The following ADAMTS6 variants were observed in gnomAD, a reference collection of about 807,000 sequenced individuals.
The protein encoded by ADAMTS6 is ADAM metallopeptidase with thrombospondin type 1 motif 6.
ADAMTS6 carries 23 observed loss-of-function variants against 144.3 expected under a neutral mutation model. The ratio of observed to expected loss-of-function variants is 0.16; its 90% CI spans 0.11 to 0.23. The LOEUF is 0.23. Among genes scored for constraint, ADAMTS6 ranks in the 10% least tolerant of loss-of-function variants. The probability of loss-of-function intolerance (pLI) is 1.00; values close to 1 mark genes in which losing one functional copy is unlikely to be tolerated. For missense variants in ADAMTS6, 999 were observed against 1,379.6 expected (o/e 0.72, Z 4.37); for synonymous variants, 444 against 457.5 (o/e 0.97, Z 0.38).
At chr5:65,368,658 G>A (rs185438625) in intron 7 of ADAMTS6, among the ~76,000 whole-genome samples, 1 of 152,324 alleles carries the variant, frequency 6.6e-6, no homozygotes, top group Admixed American at 6.5e-5. Flanking sequence ...GGCTAAGTAT[G>A]TCAGAGTAGA....
At chr5:65,427,059 C>A (rs1193027954) in intron 7 of ADAMTS6, among the ~76,000 whole-genome samples, 2 of 151,868 alleles carry the variant, frequency 1.3e-5, no homozygotes. Context: ...TTAATAGAGG[C>A]ATGCCTATGA....
chr5:65,197,165 G>A lies in ADAMTS6; in HGVS notation c.2576-14C>T, dbSNP rs774238852. On this transcript the variant is annotated splice_polypyrimidine_tract_variant and intron_variant, in intron 20 of 24. Coordinates refer to ENST00000381055, the MANE Select transcript of ADAMTS6 (RefSeq NM_197941.4). ...GTCTTTGGACACCTTGAGAAAAGGA[G>A]GACATCATTAATTGAAGAGAAGTTT... The A allele has an allele frequency of 1.2e-6, 2 of 1,611,936 alleles. No homozygotes were observed. Among genetic ancestry groups the A allele is most frequent in the African/African-American group, 2.7e-5 (2 of 74,780 alleles).
At chr5:65,287,289 A>T (rs1406019396) in intron 11 of ADAMTS6, among the ~76,000 whole-genome samples, 1 of 152,214 alleles carries the variant, frequency 6.6e-6, no homozygotes, top group Non-Finnish European at 1.5e-5. Context: ...AAAGACGGGG[A>T]CAGGACTTTA....
At chr5:65,337,918 A>G (rs1244215546) in intron 7 of ADAMTS6, among the ~76,000 whole-genome samples, 1 of 152,176 alleles carries the variant, frequency 6.6e-6, no homozygotes. Flanking sequence ...AGCAGTACAA[A>G]TTGAAGAAAG....
At chr5:65,233,653 T>C (rs1296869100) in intron 15 of ADAMTS6, among the ~76,000 whole-genome samples, 1 of 152,090 alleles carries the variant, frequency 6.6e-6, no homozygotes, top group African/African-American at 2.4e-5. Flanking sequence ...TGGAAAGATG[T>C]CACGTGTTCA....
chr5:65,263,322 T>C (rs1761353022), intron 12 of ADAMTS6, among the ~76,000 whole-genome samples: 1 of 151,938 alleles, frequency 6.6e-6, no homozygotes, highest in South Asian at 2.1e-4. Flanking sequence ...AAAATTTTTC[T>C]TTATATTTCA....
chr5:65,319,229 G>T (rs1298956922), intron 9 of ADAMTS6, among the ~76,000 whole-genome samples: 1 of 152,048 alleles, frequency 6.6e-6, no homozygotes, highest in Non-Finnish European at 1.5e-5. Context: ...GGCATACAAA[G>T]AAATTTATAG....
Position 65,326,120 on chromosome 5 carries a change from C to A in ADAMTS6, c.1223+3258G>T, listed in dbSNP as rs527720558. Among the ~76,000 whole-genome samples, 7 of 151,994 alleles carry A rather than the reference C, an allele frequency of 4.6e-5. No homozygotes were observed. The South Asian group carries it at 1.5e-3, about 32-fold the overall frequency. The stretch of plus-strand genomic sequence containing the variant: ...CCAAAAAATGAGTATTTTTAAGACC[C>A]CTTGTTAAGATTATTTGTTTTTGTA... On this transcript the variant is annotated intron_variant, in intron 9 of 24. Coordinates refer to ENST00000381055, the MANE Select transcript of ADAMTS6 (RefSeq NM_197941.4).
chr5:65,248,114 C>CT (rs1026795153), intron 14 of ADAMTS6, among the ~76,000 whole-genome samples: 2 of 152,184 alleles, frequency 1.3e-5, no homozygotes, highest in African/African-American at 4.8e-5. Flanking sequence ...TCTATACCCT[C>CT]TTTTAAAAGT....
At chr5:65,308,376 A>C (rs1231632677) in intron 9 of ADAMTS6, among the ~76,000 whole-genome samples, 1 of 152,142 alleles carries the variant, frequency 6.6e-6, no homozygotes, top group Non-Finnish European at 1.5e-5. Context: ...AAAATGATGC[A>C]ATTATGTTTG....
intron 14 of ADAMTS6, among the ~76,000 whole-genome samples, chr5:65,249,028 C>A (rs1330069670): frequency 6.6e-6 from 1 of 151,376 alleles, no homozygotes; most frequent in African/African-American, 2.4e-5. Flanking sequence ...TGTGTGTGTG[C>A]GCGCATGTCT....
intron 7 of ADAMTS6, among the ~76,000 whole-genome samples, chr5:65,372,161 C>A (rs1281393363): frequency 1.4e-5 from 2 of 143,180 alleles, no homozygotes; most frequent in African/African-American, 2.9e-5. Flanking sequence ...CCAGCCACTG[C>A]AAAATCATGC....
rs11330695 is a variant in ADAMTS6 at position 65,474,796 on chromosome 5, CAAAAAAAAAAA to C, written c.-279-855_-279-845del. Among the ~76,000 whole-genome samples, 16 of 78,882 alleles carry C rather than the reference CAAAAAAAAAAA, an allele frequency of 2.0e-4. No homozygotes were observed. In the Admixed American group the frequency reaches 2.5e-3, roughly 12 times the overall value. The allele number at this position is 78,882 out of a possible 152,430, so 51.7% of individuals were successfully genotyped here. On this transcript the variant is annotated intron_variant, in intron 1 of 24. Coordinates refer to ENST00000381055, the MANE Select transcript of ADAMTS6 (RefSeq NM_197941.4). ...TAGCCACAAACAGCCAAACTGTGAC[CAAAAAAAAAAA>C]AAAAAAAAAGGATAAAAAACGAAAA...
At chr5:65,169,654 A>G (rs1440451669) in intron 24 of ADAMTS6, among the ~76,000 whole-genome samples, 1 of 150,838 alleles carries the variant, frequency 6.6e-6, no homozygotes, top group African/African-American at 2.5e-5. Context: ...CAACAATGAT[A>G]GACTGGATTA....
intron 7 of ADAMTS6, among the ~76,000 whole-genome samples, chr5:65,444,461 GA>G (rs748107092): frequency 7.7e-4 from 117 of 152,190 alleles, no homozygotes; most frequent in Non-Finnish European, 2.1e-4. Context: ...ATATACCAGT[GA>G]AAAACTATTA....
intron 11 of ADAMTS6, among the ~76,000 whole-genome samples, chr5:65,287,105 AT>A (rs1308607765): frequency 1.4e-4 from 22 of 152,352 alleles, no homozygotes; most frequent in African/African-American, 5.3e-4. Flanking sequence ...ATATTTTTAG[AT>A]GATCTGGTAA....
At chr5:65,305,394 G>A (rs947434500) in intron 9 of ADAMTS6, among the ~76,000 whole-genome samples, 8 of 151,960 alleles carry the variant, frequency 5.3e-5, no homozygotes, top group African/African-American at 1.9e-4. Flanking sequence ...GGGATAAGTG[G>A]GACTATAGAA....
At chr5:65,184,793 G>A (rs1754569026) in intron 22 of ADAMTS6, among the ~76,000 whole-genome samples, 1 of 152,052 alleles carries the variant, frequency 6.6e-6, no homozygotes, top group African/African-American at 2.4e-5. Context: ...TTTCCGCCAA[G>A]GTAATTTAAC....
chr5:65,472,763 T>C (rs1377285385), intron 2 of ADAMTS6, among the ~76,000 whole-genome samples: 1 of 152,224 alleles, frequency 6.6e-6, no homozygotes, highest in African/African-American at 2.4e-5. Context: ...TTTATTTCAC[T>C]TCTTATAAAT....
Sources: allele counts gnomAD v4.1 joint callset (sites outside exome capture counted in the v4.1 genomes callset), GRCh38; gene constraint gnomAD v4.1.1; transcripts MANE v1.5; gene names NCBI Gene and HGNC (gene_info 2026-07-23, HGNC 2026-07-21).